CDH13: variants seen among roughly 807,000 people sequenced by gnomAD.
CDH13 encodes the protein cadherin 13.
CDH13 carries 24 observed loss-of-function variants against 63.8 expected under a neutral mutation model. The ratio of observed to expected loss-of-function variants is 0.38; its 90% CI spans 0.27 to 0.53. The LOEUF (loss-of-function observed/expected upper bound fraction) is 0.53. Among genes scored for constraint, CDH13 ranks in the 20% least tolerant of loss-of-function variants. The pLI is 0.85. For missense variants in CDH13, 1,049 were observed against 903.1 expected (o/e 1.16, Z -2.07); for synonymous variants, 503 against 355.3 (o/e 1.42, Z -4.67).
chr16:83,352,337 G>C (rs2090970410), intron 6 of CDH13, among the ~76,000 whole-genome samples: 1 of 152,178 alleles, frequency 6.6e-6, no homozygotes, highest in African/African-American at 2.4e-5. Flanking sequence ...AGTCGTTCAA[G>C]AGGAAAGCGA....
At chr16:83,066,842 T>G (rs896956598) in intron 3 of CDH13, among the ~76,000 whole-genome samples, 1 of 152,186 alleles carries the variant, frequency 6.6e-6, no homozygotes, top group African/African-American at 2.4e-5. Flanking sequence ...CAATTCATAA[T>G]CAGAAGGCTG....
chr16:82,704,082 T>C (rs117666605), intron 1 of CDH13, among the ~76,000 whole-genome samples: 1,786 of 152,126 alleles, frequency 0.012, 13 homozygotes, highest in Middle Eastern at 0.027. Context: ...AAAAAGCCTT[T>C]GAAAAAGGCA....
At chr16:83,791,180 C>T (rs1450591218) in intron 13 of CDH13, among the ~76,000 whole-genome samples, 1 of 152,056 alleles carries the variant, frequency 6.6e-6, no homozygotes. Flanking sequence ...AGCCCCACCC[C>T]ATGTCAGCTA....
intron 7 of CDH13, among the ~76,000 whole-genome samples, chr16:83,552,219 T>C (rs2075516744): frequency 6.6e-6 from 1 of 152,146 alleles, no homozygotes; most frequent in African/African-American, 2.4e-5. Context: ...GTGGACCTAG[T>C]TGGGCGTATT....
intron 8 of CDH13, among the ~76,000 whole-genome samples, chr16:83,643,492 T>C (rs1000721738): frequency 1.5e-4 from 23 of 152,176 alleles, no homozygotes; most frequent in Non-Finnish European, 3.4e-4. Context: ...TAATACTCTA[T>C]TTCTTTAGTC....
chr16:82,919,233 G>A lies in CDH13; in HGVS notation c.157+60760G>A, dbSNP rs559514885. On this transcript the variant is annotated intron_variant, in intron 2 of 13. Coordinates refer to ENST00000567109, the MANE Select transcript of CDH13 (RefSeq NM_001257.5). The stretch of plus-strand genomic sequence containing the variant: ...TTTTAAACTGTTATTTTAGATTCAG[G>A]AGAATATATGCAGGTTAGTTATATA... Among the ~76,000 whole-genome samples the A allele has an allele frequency of 3.3e-5, 5 of 152,160 alleles. No individual in the cohort carries two copies. In the South Asian group the frequency reaches 1.0e-3, roughly 32 times the overall value.
chr16:83,652,270 A>G (rs901500115), intron 8 of CDH13, among the ~76,000 whole-genome samples: 3 of 152,252 alleles, frequency 2.0e-5, no homozygotes, highest in Admixed American at 6.5e-5. Flanking sequence ...AATTCCGTGT[A>G]TGAATTTATA....
chr16:82,779,588 A>G (rs2035655271), intron 1 of CDH13, among the ~76,000 whole-genome samples: 1 of 152,218 alleles, frequency 6.6e-6, no homozygotes, highest in South Asian at 2.1e-4. Flanking sequence ...GGGCCAGGAG[A>G]GAATGCCAGG....
rs556077755 is a variant in CDH13 at position 83,369,770 on chromosome 16, C to T, written c.781+24764C>T. Among the ~76,000 whole-genome samples, 160 of 152,248 alleles carry T rather than the reference C, an allele frequency of 1.1e-3. 1 individual carries two copies. Among genetic ancestry groups the T allele is most frequent in the African/African-American group, 3.8e-3 (157 of 41,550 alleles). On this transcript the variant is annotated intron_variant, in intron 6 of 13. Transcript: ENST00000567109. ...TCCTCTCCATCTGTAGACCCCACTC[C>T]TCCTAGGTCACTTCCTGTGACCCCA... is the stretch of plus-strand genomic sequence containing the variant.
At chr16:83,086,135 A>T (rs996859688) in intron 3 of CDH13, among the ~76,000 whole-genome samples, 1 of 152,186 alleles carries the variant, frequency 6.6e-6, no homozygotes. Context: ...GAAATACCAA[A>T]CTCAGATACC....
At chr16:82,983,793 C>G (rs994223608) in intron 2 of CDH13, among the ~76,000 whole-genome samples, 5 of 152,122 alleles carry the variant, frequency 3.3e-5, no homozygotes, top group African/African-American at 1.2e-4. Flanking sequence ...TTCCCTGGTC[C>G]ACTTCATAGG....
rs200689650 is a variant in CDH13 at position 83,444,727 on chromosome 16, G to T, written c.782-41750G>T. 5.8e-5 allele frequency among the ~76,000 whole-genome samples: 6 copies of T among 103,684 alleles called. No homozygotes were observed. In the East Asian group the frequency reaches 1.2e-3, roughly 20 times the overall value. 68.0% of individuals were successfully genotyped at this position (103,684 alleles called of 152,430 possible). A position where few individuals can be genotyped will look rare whatever the true frequency, so the allele number is the denominator to read the frequency against. The stretch of plus-strand genomic sequence containing the variant: ...TAGCATGGCAGATCTTTGTGGGGCA[G>T]TGTGCTGAAACCAGCTTAAATCTCT... On this transcript the variant is annotated intron_variant, in intron 6 of 13. Transcript: ENST00000567109.
intron 5 of CDH13, among the ~76,000 whole-genome samples, chr16:83,253,006 A>G (rs527633260): frequency 6.6e-6 from 1 of 152,206 alleles, no homozygotes; most frequent in South Asian, 2.1e-4. Flanking sequence ...ATAGGGTACT[A>G]AGAGAATTGA....
At chr16:83,000,444 T>G (rs1296520153) in intron 2 of CDH13, among the ~76,000 whole-genome samples, 1 of 151,122 alleles carries the variant, frequency 6.6e-6, no homozygotes, top group Non-Finnish European at 1.5e-5. Context: ...GAGACACGGT[T>G]TCACCATGTT....
chr16:83,597,753 CATT>C (rs1375355294), intron 7 of CDH13, among the ~76,000 whole-genome samples: 3 of 152,128 alleles, frequency 2.0e-5, no homozygotes, highest in African/African-American at 7.2e-5. Flanking sequence ...GTCTATTTCT[CATT>C]ATAGGTGCAA....
chr16:82,719,040 T>C (rs1370631476), intron 1 of CDH13, among the ~76,000 whole-genome samples: 1 of 152,198 alleles, frequency 6.6e-6, no homozygotes, highest in African/African-American at 2.4e-5. Flanking sequence ...TCCTTCACAC[T>C]GAGGTCAATA....
chr16:82,930,010 G>A (rs2042435731), intron 2 of CDH13, among the ~76,000 whole-genome samples: 1 of 144,688 alleles, frequency 6.9e-6, no homozygotes, highest in Admixed American at 6.9e-5. Flanking sequence ...TCACTATCAT[G>A]ACTTCTAATA....
chr16:83,416,109 C>G (rs2151463589), intron 6 of CDH13, among the ~76,000 whole-genome samples: 1 of 152,286 alleles, frequency 6.6e-6, no homozygotes, highest in South Asian at 2.1e-4. Context: ...CTAACACTAA[C>G]TGATCTAAAA....
Position 83,200,462 on chromosome 16 carries a change from A to AG in CDH13, c.484-16882dup, listed in dbSNP as rs1266472902. Among the ~76,000 whole-genome samples the AG allele has an allele frequency of 2.0e-5, 3 of 152,166 alleles. No individual in the cohort carries two copies. In the South Asian group the frequency reaches 6.2e-4, roughly 32 times the overall value. ...GGGTTGGGCTGTGCTCATCTTACAC[A>AG]GAACAGATCTCCTCACTTTTCTCTC... is the stretch of plus-strand genomic sequence containing the variant. On this transcript the variant is annotated intron_variant, in intron 4 of 13. Coordinates refer to ENST00000567109, the MANE Select transcript of CDH13 (RefSeq NM_001257.5).
Sources: gnomAD v4.1 joint callset for allele counts (sites outside exome capture counted in the v4.1 genomes callset) on GRCh38, gnomAD v4.1.1 for gene constraint, MANE v1.5 for transcripts, NCBI Gene and HGNC (gene_info 2026-07-23, HGNC 2026-07-21) for gene names.